PAFAH1B1: variants seen among roughly 807,000 people sequenced by gnomAD.
The protein encoded by PAFAH1B1 is platelet activating factor acetylhydrolase 1b regulatory subunit 1, also known as platelet-activating factor acetylhydrolase IB subunit beta.
A neutral mutation model predicts 57.5 loss-of-function variants in PAFAH1B1; 2 were observed. The ratio of observed to expected loss-of-function variants is 0.03; its 90% confidence interval spans 0.01 to 0.11. PAFAH1B1 has a LOEUF of 0.11. Ranked by LOEUF, PAFAH1B1 falls within the 10% of genes least tolerant of loss-of-function variation. The pLI is 1.00. For missense variants in PAFAH1B1, 257 were observed against 512.0 expected (o/e 0.50, Z 4.81); for synonymous variants, 152 against 169.6 (o/e 0.90, Z 0.81).
intron 1 of PAFAH1B1, among the ~76,000 whole-genome samples, chr17:2,627,085 T>C (rs916409864): frequency 6.6e-6 from 1 of 152,216 alleles, no homozygotes; most frequent in African/African-American, 2.4e-5. Flanking sequence ...ATCCAAAAGC[T>C]CTTCAGTTTA....
At chr17:2,601,903 A>G (rs1402763059) in intron 1 of PAFAH1B1, among the ~76,000 whole-genome samples, 5 of 152,242 alleles carry the variant, frequency 3.3e-5, no homozygotes, top group African/African-American at 1.2e-4. Flanking sequence ...AAGAAAAAAT[A>G]TTTTTAAAGT....
At chr17:2,625,002 A>G (rs888561007) in intron 1 of PAFAH1B1, among the ~76,000 whole-genome samples, 5 of 151,660 alleles carry the variant, frequency 3.3e-5, no homozygotes, top group East Asian at 1.9e-4. Context: ...TACTGTTAAC[A>G]TATAATTATT....
At chr17:2,673,942 C>T (rs187259473) in intron 7 of PAFAH1B1, 118 bp from the exon 8 acceptor site, 54 of 718,526 alleles carry the variant, frequency 7.5e-5, no homozygotes, top group African/African-American at 7.5e-4. Flanking sequence ...TTTATTCTGT[C>T]GACTTGCATC....
chr17:2,604,067 G>C (rs181578494), intron 1 of PAFAH1B1, among the ~76,000 whole-genome samples: 1 of 150,780 alleles, frequency 6.6e-6, no homozygotes, highest in East Asian at 2.0e-4. Context: ...TTGAGACGGA[G>C]TTGAGGTCTT....
At chr17:2,680,476 T>A (rs2069365463) in intron 10 of PAFAH1B1, among the ~76,000 whole-genome samples, 156 bp downstream of exon 10, 1 of 152,220 alleles carries the variant, frequency 6.6e-6, no homozygotes, top group Admixed American at 6.5e-5. Flanking sequence ...CTACCATTTG[T>A]TTTAAATTCT....
intron 2 of PAFAH1B1, among the ~76,000 whole-genome samples, chr17:2,650,244 G>A (rs2068830123): frequency 6.6e-6 from 1 of 152,108 alleles, no homozygotes; most frequent in Non-Finnish European, 1.5e-5. Flanking sequence ...AGGTGCAGTG[G>A]CTCACGCCTG....
At chr17:2,653,800 ATTTTTT>A (rs965808807) in intron 2 of PAFAH1B1, among the ~76,000 whole-genome samples, 14 of 152,032 alleles carry the variant, frequency 9.2e-5, no homozygotes, top group African/African-American at 3.1e-4. Flanking sequence ...TTTTATTTTT[ATTTTTT>A]AAATTTATTA....
rs773741546 is a variant in PAFAH1B1 at position 2,685,489 on chromosome 17, T to C, written c.*3687T>C. On this transcript the variant is annotated 3_prime_UTR_variant, in exon 11 of 11. Coordinates refer to ENST00000397195, the MANE Select transcript of PAFAH1B1 (RefSeq NM_000430.4). Reference sequence around the variant, plus strand: ...AATCAGTAAAGGAATGTATATAATATTGCTCTCGTGTTTTACAGTAAGATT... The same window carrying C: ...AATCAGTAAAGGAATGTATATAATACTGCTCTCGTGTTTTACAGTAAGATT... The C allele has an allele frequency of 2.6e-5, 4 of 152,638 alleles. No homozygotes were observed. Among genetic ancestry groups the C allele is most frequent in the African/African-American group, 9.7e-5 (4 of 41,448 alleles). 9.5% of individuals were successfully genotyped at this position (152,638 alleles called of 1,614,324 possible). A position where few individuals can be genotyped will look rare whatever the true frequency, so the allele number is the denominator to read the frequency against.
chr17:2,653,384 C>T (rs977331616), intron 2 of PAFAH1B1, among the ~76,000 whole-genome samples: 4 of 151,392 alleles, frequency 2.6e-5, no homozygotes, highest in Non-Finnish European at 2.9e-5. Flanking sequence ...CAAACCTGCA[C>T]GTTGTGCACA....
intron 2 of PAFAH1B1, chr17:2,642,178 T>C (rs776361719): frequency 6.6e-6 from 1 of 152,202 alleles, no homozygotes; most frequent in Non-Finnish European, 1.5e-5. Context: ...TCTTCTTCTA[T>C]AGTGAGAACT....
chr17:2,655,909 A>T (rs1029604602), intron 2 of PAFAH1B1, among the ~76,000 whole-genome samples: 1 of 151,996 alleles, frequency 6.6e-6, no homozygotes, highest in Non-Finnish European at 1.5e-5. Flanking sequence ...ATGGGATGCA[A>T]TTAGGTGGTT....
At chr17:2,655,922 C>T (rs913839707) in intron 2 of PAFAH1B1, among the ~76,000 whole-genome samples, 1 of 151,894 alleles carries the variant, frequency 6.6e-6, no homozygotes, top group African/African-American at 2.4e-5. Context: ...AGGTGGTTTT[C>T]GTTTTGTTTT....
At chr17:2,607,924 T>C (rs1371804659) in intron 1 of PAFAH1B1, among the ~76,000 whole-genome samples, 1 of 152,224 alleles carries the variant, frequency 6.6e-6, no homozygotes, top group African/African-American at 2.4e-5. Context: ...ATAAACAATA[T>C]ATAGTAGTGC....
intron 2 of PAFAH1B1, among the ~76,000 whole-genome samples, chr17:2,664,605 A>AT (rs1218320000): frequency 1.3e-5 from 2 of 150,676 alleles, no homozygotes. Flanking sequence ...GGGTTTCACC[A>AT]TGTTGGCCAG....
intron 5 of PAFAH1B1, among the ~76,000 whole-genome samples, chr17:2,669,285 A>G (rs1314787546): frequency 3.5e-5 from 5 of 141,058 alleles, no homozygotes; most frequent in South Asian, 4.4e-4. Flanking sequence ...TTTTTTTGAG[A>G]TGGAGTTTCA....
intron 4 of PAFAH1B1, 132 bp from the exon 5 acceptor site, chr17:2,666,860 A>T (rs2069112641): frequency 9.4e-6 from 6 of 641,560 alleles, no homozygotes; most frequent in Middle Eastern, 4.1e-4. Context: ...AATTTGACAA[A>T]TGCTTTGGAG....
intron 10 of PAFAH1B1, chr17:2,681,194 C>A (rs1020132978): frequency 6.5e-6 from 1 of 152,752 alleles, no homozygotes; most frequent in South Asian, 2.0e-4. Flanking sequence ...CTTTGAACAG[C>A]CACTGCACTC....
At chr17:2,667,473 T>C in intron 5 of PAFAH1B1, 5 of 371,726 alleles carry the variant, frequency 1.3e-5, no homozygotes, top group Non-Finnish European at 2.0e-5. Flanking sequence ...TAAAATATCA[T>C]TGTGGCTCCT....
intron 1 of PAFAH1B1, among the ~76,000 whole-genome samples, chr17:2,612,360 C>T (rs528726196): frequency 6.6e-5 from 10 of 151,866 alleles, no homozygotes; most frequent in Non-Finnish European, 1.0e-4. Context: ...CGCACCACCA[C>T]GCCTGGCTAA....
Sources: allele counts gnomAD v4.1 joint callset (sites outside exome capture counted in the v4.1 genomes callset), GRCh38; gene constraint gnomAD v4.1.1; transcripts MANE v1.5; gene names NCBI Gene and HGNC (gene_info 2026-07-23, HGNC 2026-07-21).